TENM2: variants seen among roughly 807,000 people sequenced by gnomAD.
TENM2 encodes teneurin-2.
A neutral mutation model predicts 245.2 loss-of-function variants in TENM2; 52 were observed. That is an observed-to-expected ratio of 0.21 (90% CI 0.17 to 0.27). TENM2 has a LOEUF of 0.27. TENM2 is among the 10% of genes least tolerant of loss of function. The pLI, the probability that TENM2 is intolerant of heterozygous loss-of-function variation, is 1.00. For missense variants in TENM2, 3,046 were observed against 3,666.8 expected, an observed-to-expected ratio of 0.83 and a Z score of 4.37; for synonymous variants, 1,363 against 1,438.9, an observed-to-expected ratio of 0.95 and a Z score of 1.19.
intron 9 of TENM2, among the ~76,000 whole-genome samples, chr5:168,098,774 C>T (rs902350972): frequency 2.0e-5 from 3 of 152,152 alleles, no homozygotes; most frequent in African/African-American, 4.8e-5. Flanking sequence ...CTTTTACCCA[C>T]AGGCACACAC....
At position 167,560,029 on chromosome 5, in the gene TENM2, G is replaced by A. The variant is rs185448830; in HGVS notation, c.502+184556G>A. On this transcript the variant is annotated intron_variant, in intron 2 of 28. Transcript: ENST00000518659. ...GTGGCGATGCTTCCTTGGCATCTCAGATCCGTACTGTTGTGCCTCACTTCT... is the reference window on the plus strand; with the variant it reads ...GTGGCGATGCTTCCTTGGCATCTCAAATCCGTACTGTTGTGCCTCACTTCT... Among the ~76,000 whole-genome samples the A allele has an allele frequency of 1.9e-3, 288 of 151,930 alleles. 3 individuals are homozygous for A. Among genetic ancestry groups the A allele is most frequent in the South Asian group, 0.014 (65 of 4,798 alleles).
intron 12 of TENM2, among the ~76,000 whole-genome samples, chr5:168,155,642 C>A (rs1432406584): frequency 6.6e-6 from 1 of 152,072 alleles, no homozygotes; most frequent in Admixed American, 6.6e-5. Flanking sequence ...ACTTGATGAA[C>A]CTTCATTTTT....
At chr5:167,344,410 A>G (rs1251738450) in intron 1 of TENM2, among the ~76,000 whole-genome samples, 2 of 151,180 alleles carry the variant, frequency 1.3e-5, no homozygotes, top group Non-Finnish European at 2.9e-5. Context: ...TGCATTTGCT[A>G]TTTTTACCTT....
intron 4 of TENM2, among the ~76,000 whole-genome samples, chr5:167,965,782 T>C (rs887345688): frequency 7.2e-5 from 11 of 152,148 alleles, no homozygotes; most frequent in Non-Finnish European, 7.3e-5. Flanking sequence ...AAACCAGGGC[T>C]GGGGGAATTA....
intron 4 of TENM2, among the ~76,000 whole-genome samples, chr5:167,990,585 C>T (rs78541834): frequency 0.026 from 4,033 of 152,238 alleles, 177 homozygotes; most frequent in African/African-American, 0.09. Flanking sequence ...CCAGGACTAC[C>T]AAGGTCTGTC....
rs143515275 is a variant in TENM2, at chr5:167,515,458, T to C, written c.502+139985T>C. 3.0e-4 allele frequency among the ~76,000 whole-genome samples: 46 copies of C among 151,754 alleles called. No individual in the cohort carries two copies. In the East Asian group the frequency reaches 8.8e-3, roughly 29 times the overall value. On this transcript the variant is annotated intron_variant, in intron 2 of 28. Coordinates refer to ENST00000518659, the Ensembl canonical transcript of TENM2. ...TGAAAAGACACATAGTTTAGAAATG[T>C]AGATCACCTTTTCATTGCCAATGGG...
At chr5:167,651,745 G>A (rs982306585) in intron 2 of TENM2, among the ~76,000 whole-genome samples, 25 of 152,082 alleles carry the variant, frequency 1.6e-4, no homozygotes, top group Admixed American at 1.1e-3. Context: ...TTGTGACCTT[G>A]GACAAATTAT....
chr5:167,319,323 T>A (rs1756576998), intron 1 of TENM2, among the ~76,000 whole-genome samples: 1 of 152,180 alleles, frequency 6.6e-6, no homozygotes, highest in South Asian at 2.1e-4. Flanking sequence ...TTTTTTTCTT[T>A]TAAATGGAGG....
chr5:167,882,596 C>T (rs569118315), intron 3 of TENM2, among the ~76,000 whole-genome samples: 10 of 152,088 alleles, frequency 6.6e-5, no homozygotes, highest in South Asian at 2.1e-4. Flanking sequence ...ACAATCATGG[C>T]GGAAGGTGAA....
chr5:168,261,215 C>G (rs1000652724), intron 28 of TENM2, among the ~76,000 whole-genome samples: 2 of 152,140 alleles, frequency 1.3e-5, no homozygotes, highest in Admixed American at 1.3e-4. Flanking sequence ...CAGCCTGTCC[C>G]CCAACCACCA....
At chr5:168,258,242 C>T (rs1006549076) in intron 27 of TENM2, among the ~76,000 whole-genome samples, 2 of 152,154 alleles carry the variant, frequency 1.3e-5, no homozygotes, top group Non-Finnish European at 2.9e-5. Flanking sequence ...TGGCTCATGC[C>T]TGTAATCCCA....
At chr5:167,370,053 G>T (rs1278216733) in intron 1 of TENM2, among the ~76,000 whole-genome samples, 1 of 152,042 alleles carries the variant, frequency 6.6e-6, no homozygotes, top group African/African-American at 2.4e-5. Context: ...CTCTAAAAAA[G>T]GCATGGAGGC....
intron 2 of TENM2, among the ~76,000 whole-genome samples, chr5:167,829,474 T>C (rs1015837927): frequency 1.3e-5 from 2 of 152,222 alleles, no homozygotes; most frequent in Non-Finnish European, 2.9e-5. Context: ...GCACATTGTT[T>C]CAGGGAACCC....
chr5:167,966,408 C>T (rs1781390607), intron 4 of TENM2, among the ~76,000 whole-genome samples: 1 of 152,138 alleles, frequency 6.6e-6, no homozygotes, highest in South Asian at 2.1e-4. Context: ...TTCCTGTTAG[C>T]AGGAAGCATG....
intron 1 of TENM2, among the ~76,000 whole-genome samples, chr5:167,357,655 T>A (rs376649526): frequency 2.6e-5 from 4 of 152,200 alleles, no homozygotes; most frequent in African/African-American, 9.6e-5. Flanking sequence ...AATTATTTTA[T>A]GTGAATCAAG....
At chr5:167,074,306 T>A in the TENM2 span, among the ~76,000 whole-genome samples, 2 of 152,178 alleles carry the variant, frequency 1.3e-5, no homozygotes, top group African/African-American at 4.8e-5. Flanking sequence ...TTTTTTTAAT[T>A]CTTGATTTCT....
At chr5:167,557,877 C>A (rs959533452) in intron 2 of TENM2, among the ~76,000 whole-genome samples, 4 of 152,094 alleles carry the variant, frequency 2.6e-5, no homozygotes, top group African/African-American at 9.7e-5. Context: ...TTGATTTAAT[C>A]CATGAAGTAG....
chr5:167,595,659 T>G (rs762632095), intron 2 of TENM2, among the ~76,000 whole-genome samples: 14 of 152,232 alleles, frequency 9.2e-5, no homozygotes, highest in Non-Finnish European at 1.9e-4. Flanking sequence ...TTTAGCAATT[T>G]CAGACTTATT....
At chr5:167,544,573 T>C (rs1400985666) in intron 2 of TENM2, among the ~76,000 whole-genome samples, 2 of 152,220 alleles carry the variant, frequency 1.3e-5, no homozygotes, top group Non-Finnish European at 2.9e-5. Context: ...TTTTTGAATG[T>C]TTAGACCCTG....
Sources: gnomAD v4.1 joint callset for allele counts (sites outside exome capture counted in the v4.1 genomes callset) on GRCh38, gnomAD v4.1.1 for gene constraint, MANE v1.5 for transcripts, NCBI Gene and HGNC (gene_info 2026-07-23, HGNC 2026-07-21) for gene names.